The following DENND1B variants were observed in gnomAD, a reference collection of about 807,000 sequenced individuals.
The protein encoded by DENND1B is DENN domain-containing protein 1B.
DENND1B carries 59 observed loss-of-function variants against 90.1 expected under a neutral mutation model. The observed-to-expected ratio is 0.65, with a 90% CI of 0.53 to 0.81. DENND1B has a LOEUF of 0.81. DENND1B is among the 40% of genes least tolerant of loss of function. The pLI, the probability that DENND1B is intolerant of heterozygous loss-of-function variation, is 0.00. For missense variants in DENND1B, 862 were observed against 912.6 expected (o/e 0.94, Z 0.71); for synonymous variants, 337 against 324.6 (o/e 1.04, Z -0.41).
At chr1:197,714,997 C>T (rs1558435620) in intron 3 of DENND1B, 34 bp downstream of exon 3, 1 of 1,547,436 alleles carries the variant, frequency 6.5e-7, no homozygotes, top group South Asian at 1.1e-5. Flanking sequence ...AATACTTCAA[C>T]TTTAAATTTT....
intron 2 of DENND1B, among the ~76,000 whole-genome samples, chr1:197,751,972 A>T (rs1653605955): frequency 1.1e-5 from 1 of 94,282 alleles, no homozygotes; most frequent in Admixed American, 1.1e-4. Flanking sequence ...GAGGAGGAGG[A>T]GAAGGAGAAG....
chr1:197,529,203 GATAT>G (rs71131771), intron 20 of DENND1B, among the ~76,000 whole-genome samples: 6,844 of 116,608 alleles, frequency 0.059, 169 homozygotes, highest in African/African-American at 0.085. Flanking sequence ...AGTTAAGAGT[GATAT>G]ATATATATAT....
At chr1:197,594,474 C>G (rs1024493487) in intron 14 of DENND1B, among the ~76,000 whole-genome samples, 3 of 152,140 alleles carry the variant, frequency 2.0e-5, no homozygotes, top group African/African-American at 4.8e-5. Flanking sequence ...TATTAGATAG[C>G]AGGTCTTCTT....
Position 197,507,048 on chromosome 1 carries a change from T to C in DENND1B, c.*3412A>G, listed in dbSNP as rs2125584690. ...ATGAAATTAGAAATGATACTATGGTTCATACTTAGAGCATGCTTTAAATTA... is the reference window on the plus strand; with the variant it reads ...ATGAAATTAGAAATGATACTATGGTCCATACTTAGAGCATGCTTTAAATTA... On this transcript the variant is annotated 3_prime_UTR_variant, in exon 23 of 23. Transcript: ENST00000620048. 1 of 151,344 alleles carries C rather than the reference T, an allele frequency of 6.6e-6. No homozygotes were observed. The highest frequency in any genetic ancestry group is 2.1e-4 in the South Asian group (1 of 4,814). The allele number at this position is 151,344 out of a possible 1,614,324, so 9.4% of individuals were successfully genotyped here.
intron 5 of DENND1B, among the ~76,000 whole-genome samples, chr1:197,659,971 T>C (rs546623124): frequency 5.7e-4 from 86 of 151,776 alleles, no homozygotes; most frequent in African/African-American, 1.6e-3. Context: ...CAAGTAAATA[T>C]AGACAATACA....
chr1:197,642,936 GTATT>G, intron 9 of DENND1B, 115 bp from the exon 10 acceptor site: 1 of 640,588 alleles, frequency 1.6e-6, no homozygotes, highest in East Asian at 2.9e-5. Context: ...ATTTAAAATG[GTATT>G]TATTAAAATA....
At chr1:197,517,145 G>T (rs899557884) in intron 20 of DENND1B, among the ~76,000 whole-genome samples, 1 of 151,822 alleles carries the variant, frequency 6.6e-6, no homozygotes, top group Non-Finnish European at 1.5e-5. Context: ...TAGCATGGAA[G>T]ACAGTAGTAG....
chr1:197,754,681 AAAAAAAACTG>A (rs1172600932), intron 2 of DENND1B, among the ~76,000 whole-genome samples: 9 of 150,328 alleles, frequency 6.0e-5, no homozygotes, highest in African/African-American at 9.9e-5. Context: ...AAAAAAAAAA[AAAAAAAACTG>A]ATACAGTAAA....
intron 3 of DENND1B, among the ~76,000 whole-genome samples, chr1:197,699,896 C>T (rs1424315567): frequency 6.6e-6 from 1 of 152,034 alleles, no homozygotes; most frequent in Non-Finnish European, 1.5e-5. Flanking sequence ...AGGAATACAG[C>T]TAACAAGGGA....
At chr1:197,556,986 C>G (rs895835173) in intron 15 of DENND1B, among the ~76,000 whole-genome samples, 1 of 151,028 alleles carries the variant, frequency 6.6e-6, no homozygotes, top group Non-Finnish European at 1.5e-5. Context: ...TACACTTTAA[C>G]AATGCTGAAG....
At chr1:197,637,496 G>T (rs1207992312) in intron 10 of DENND1B, among the ~76,000 whole-genome samples, 1 of 152,130 alleles carries the variant, frequency 6.6e-6, no homozygotes, top group Non-Finnish European at 1.5e-5. Flanking sequence ...CACTACAGGA[G>T]TTGGAAGATA....
At chr1:197,704,811 AGTGAG>A (rs1045612723) in intron 3 of DENND1B, among the ~76,000 whole-genome samples, 6 of 152,214 alleles carry the variant, frequency 3.9e-5, no homozygotes, top group African/African-American at 1.2e-4. Context: ...AGCTAAAATA[AGTGAG>A]GTAAGTTTGA....
intron 3 of DENND1B, among the ~76,000 whole-genome samples, chr1:197,704,818 T>C (rs1201144141): frequency 1.3e-5 from 2 of 151,436 alleles, no homozygotes. Flanking sequence ...ATAAGTGAGG[T>C]AAGTTTGAGA....
rs188759438 is a variant in DENND1B, at chr1:197,683,811, A to G, written c.127-9642T>C. Among the ~76,000 whole-genome samples, 581 of 152,342 alleles carry G rather than the reference A, an allele frequency of 3.8e-3. 9 individuals are homozygous for G. Among genetic ancestry groups the G allele is most frequent in the Middle Eastern group, 0.02 (6 of 294 alleles). ...CCACTTGTATCAAGACATAGGTTTT[A>G]ATGTGTTCAACCACTTTTGATTTTA... On this transcript the variant is annotated intron_variant, in intron 3 of 22. Coordinates refer to ENST00000620048, the MANE Select transcript of DENND1B (RefSeq NM_001195215.2).
intron 6 of DENND1B, among the ~76,000 whole-genome samples, chr1:197,655,317 T>G (rs1318737038): frequency 6.6e-6 from 1 of 152,158 alleles, no homozygotes; most frequent in Non-Finnish European, 1.5e-5. Context: ...CTACACCTTT[T>G]GACTCAATAT....
intron 3 of DENND1B, among the ~76,000 whole-genome samples, chr1:197,694,872 GA>G (rs997699497): frequency 5.3e-5 from 8 of 151,156 alleles, no homozygotes; most frequent in African/African-American, 1.9e-4. Context: ...CCCTTCAACA[GA>G]AAAATAAGGT....
chr1:197,526,883 A>G (rs533721059), intron 20 of DENND1B, among the ~76,000 whole-genome samples: 1 of 152,280 alleles, frequency 6.6e-6, no homozygotes, highest in Non-Finnish European at 1.5e-5. Flanking sequence ...GTGTTTCTAA[A>G]AGACACACTA....
chr1:197,658,039 T>C (rs1250636474), intron 6 of DENND1B, among the ~76,000 whole-genome samples: 3 of 152,158 alleles, frequency 2.0e-5, no homozygotes, highest in East Asian at 1.9e-4. Context: ...ATGAGATACA[T>C]AGACTATTCA....
chr1:197,719,293 G>A (rs78843500), intron 2 of DENND1B, among the ~76,000 whole-genome samples: 1 of 152,138 alleles, frequency 6.6e-6, no homozygotes, highest in Non-Finnish European at 1.5e-5. Flanking sequence ...TGTTTAAAAG[G>A]CTATGGGAAT....
Sources: allele counts gnomAD v4.1 joint callset (sites outside exome capture counted in the v4.1 genomes callset), GRCh38; gene constraint gnomAD v4.1.1; transcripts MANE v1.5; gene names NCBI Gene and HGNC (gene_info 2026-07-23, HGNC 2026-07-21).